The following KCNMA1 variants were observed in gnomAD, a reference collection of about 807,000 sequenced individuals.
KCNMA1 encodes potassium calcium-activated channel subfamily M alpha 1, also known as Calcium-activated potassium channel subunit alpha-1.
A neutral mutation model predicts 140.0 loss-of-function variants in KCNMA1; 29 were observed. The ratio of observed to expected loss-of-function variants is 0.21; its 90% CI spans 0.15 to 0.28. The LOEUF is 0.28. Ranked by LOEUF, KCNMA1 falls within the 10% of genes least tolerant of loss-of-function variation. KCNMA1 has a pLI of 1.00. For missense variants in KCNMA1, 880 were observed against 1,602.2 expected, an observed-to-expected ratio of 0.55 and a Z score of 7.70; for synonymous variants, 612 against 611.9, an observed-to-expected ratio of 1.00 and a Z score of 0.00.
At chr10:77,004,618 G>A (rs2087752177) in intron 18 of KCNMA1, among the ~76,000 whole-genome samples, 1 of 152,142 alleles carries the variant, frequency 6.6e-6, no homozygotes, top group Admixed American at 6.5e-5. Flanking sequence ...CTCCCTGGTG[G>A]TAGATGTTCC....
intron 1 of KCNMA1, among the ~76,000 whole-genome samples, chr10:77,461,429 C>G (rs1034954928): frequency 3.9e-5 from 6 of 152,214 alleles, no homozygotes; most frequent in Non-Finnish European, 8.8e-5. Flanking sequence ...GGGAGGGAAG[C>G]AAGGCCCAGA....
At chr10:77,169,499 C>G (rs2098679612) in intron 5 of KCNMA1, among the ~76,000 whole-genome samples, 1 of 152,040 alleles carries the variant, frequency 6.6e-6, no homozygotes, top group Non-Finnish European at 1.5e-5. Context: ...AAGCAATCCT[C>G]CCACCTCAGC....
chr10:77,266,996 C>T (rs557063351), intron 2 of KCNMA1, among the ~76,000 whole-genome samples: 1 of 152,324 alleles, frequency 6.6e-6, no homozygotes, highest in African/African-American at 2.4e-5. Context: ...AATGACCCCA[C>T]TAGTGAGTAA....
rs1040201291 is a variant in KCNMA1 at position 76,908,212 on chromosome 10, A to G, written c.3147+1754T>C. 3.9e-5 allele frequency among the ~76,000 whole-genome samples: 6 copies of G among 152,350 alleles called. No homozygotes were observed. In the East Asian group the frequency reaches 1.2e-3, roughly 29 times the overall value. On this transcript the variant is annotated intron_variant, in intron 25 of 27. Transcript: ENST00000286628. The stretch of plus-strand genomic sequence containing the variant: ...ATGGTCTTCTTAGGAACACATCTTG[A>G]GGCTTCTATCATTCCTTCTGGCTTG...
At chr10:76,951,001 A>G (rs1045172054) in intron 21 of KCNMA1, among the ~76,000 whole-genome samples, 5 of 152,188 alleles carry the variant, frequency 3.3e-5, no homozygotes, top group African/African-American at 1.2e-4. Flanking sequence ...GAGACAGCCA[A>G]CCAGTCTATA....
At chr10:77,253,835 C>T (rs958611662) in intron 2 of KCNMA1, among the ~76,000 whole-genome samples, 7 of 152,170 alleles carry the variant, frequency 4.6e-5, no homozygotes, top group African/African-American at 9.7e-5. Context: ...GGTAACTGTG[C>T]ACGTAGTCTT....
chr10:77,336,484 G>T (rs2089073047), intron 2 of KCNMA1, among the ~76,000 whole-genome samples: 1 of 151,868 alleles, frequency 6.6e-6, no homozygotes, highest in Non-Finnish European at 1.5e-5. Flanking sequence ...GAAAAATCTG[G>T]CAATGTTGGA....
intron 5 of KCNMA1, among the ~76,000 whole-genome samples, chr10:77,168,277 GT>G: frequency 6.6e-6 from 1 of 152,120 alleles, no homozygotes; most frequent in Non-Finnish European, 1.5e-5. Flanking sequence ...CTACCTGTGT[GT>G]TAGGATTAAA....
intron 1 of KCNMA1, among the ~76,000 whole-genome samples, chr10:77,429,460 G>T (rs2097101153): frequency 6.6e-6 from 1 of 152,098 alleles, no homozygotes; most frequent in African/African-American, 2.4e-5. Context: ...CCCCTCGAGG[G>T]CAAAATCGCC....
At chr10:77,314,044 G>A (rs1565915244) in intron 2 of KCNMA1, 1 of 152,098 alleles carries the variant, frequency 6.6e-6, no homozygotes, top group Non-Finnish European at 1.5e-5. Flanking sequence ...GAGTGGGATG[G>A]AATGAGATGG....
At chr10:76,905,455 G>A (rs2047440798) in intron 25 of KCNMA1, among the ~76,000 whole-genome samples, 2 of 152,152 alleles carry the variant, frequency 1.3e-5, no homozygotes, top group Non-Finnish European at 2.9e-5. Flanking sequence ...CTTAGAACTT[G>A]GCCAGATGTG....
chr10:77,496,959 C>T (rs2042178627), intron 1 of KCNMA1, among the ~76,000 whole-genome samples: 1 of 152,168 alleles, frequency 6.6e-6, no homozygotes, highest in African/African-American at 2.4e-5. Context: ...TTCCTGAATC[C>T]TTTGTCCTCA....
At chr10:76,950,000 G>T (rs1438383792) in intron 21 of KCNMA1, among the ~76,000 whole-genome samples, 2 of 151,820 alleles carry the variant, frequency 1.3e-5, no homozygotes, top group Non-Finnish European at 2.9e-5. Flanking sequence ...CTTCAAAATG[G>T]TTGAAAAAAA....
Position 77,488,789 on chromosome 10 carries a change from T to C in KCNMA1, c.379-84766A>G, listed in dbSNP as rs76041754. ...AAACCAGTAGAAGTGCAGAGGACAC[T>C]CTGTTCCCCAATCAGGGGCAAAGTT... is the stretch of plus-strand genomic sequence containing the variant. On this transcript the variant is annotated intron_variant, in intron 1 of 27. Coordinates refer to ENST00000286628, the MANE Select transcript of KCNMA1 (RefSeq NM_001161352.2). Among the ~76,000 whole-genome samples the C allele has an allele frequency of 9.0e-3, 1,369 of 152,300 alleles. 13 individuals are homozygous for C. Among genetic ancestry groups the C allele is most frequent in the East Asian group, 0.05 (257 of 5,176 alleles).
At chr10:77,635,805 T>A (rs1293308798) in intron 1 of KCNMA1, 1 of 152,422 alleles carries the variant, frequency 6.6e-6, no homozygotes, top group African/African-American at 2.4e-5. Flanking sequence ...GGTTTTCATA[T>A]TTCTCCCTTT....
At chr10:77,141,644 G>A (rs1227961098) in intron 5 of KCNMA1, among the ~76,000 whole-genome samples, 1 of 152,184 alleles carries the variant, frequency 6.6e-6, no homozygotes, top group Non-Finnish European at 1.5e-5. Context: ...TTGATATCTT[G>A]TTAAGGCAGC....
chr10:76,896,123 C>T (rs924964100), intron 25 of KCNMA1, among the ~76,000 whole-genome samples: 5 of 152,254 alleles, frequency 3.3e-5, no homozygotes, highest in South Asian at 2.1e-4. Flanking sequence ...AGCCTGGGGG[C>T]GCTGCAGGAG....
chr10:77,511,092 G>C (rs1204196593), intron 1 of KCNMA1, among the ~76,000 whole-genome samples: 7 of 152,226 alleles, frequency 4.6e-5, no homozygotes, highest in African/African-American at 1.7e-4. Flanking sequence ...CAGATCAGCA[G>C]TCTCAAAATT....
intron 2 of KCNMA1, among the ~76,000 whole-genome samples, chr10:77,397,126 G>T (rs1018663272): frequency 3.3e-5 from 5 of 152,162 alleles, no homozygotes; most frequent in African/African-American, 1.2e-4. Context: ...AATGTGGATA[G>T]TGAGAGTATG....
Sources: allele counts gnomAD v4.1 joint callset (sites outside exome capture counted in the v4.1 genomes callset), GRCh38; gene constraint gnomAD v4.1.1; transcripts MANE v1.5; gene names NCBI Gene and HGNC (gene_info 2026-07-23, HGNC 2026-07-21).